Variants in SMARCAD1 observed in about 807,000 individuals in gnomAD.
The protein encoded by SMARCAD1 is SWI/SNF-related matrix-associated actin-dependent regulator of chromatin subfamily A containing DEAD/H box 1.
SMARCAD1 carries 25 observed loss-of-function variants against 127.1 expected under a neutral mutation model. That is an observed-to-expected ratio of 0.20 (90% CI 0.14 to 0.27). The LOEUF is 0.27. Among genes scored for constraint, SMARCAD1 ranks in the 10% least tolerant of loss-of-function variants. The probability of loss-of-function intolerance (pLI) is 1.00; values close to 1 mark genes in which losing one functional copy is unlikely to be tolerated. For synonymous variants in SMARCAD1, 400 were observed against 396.9 expected, an observed-to-expected ratio of 1.01 and a Z score of -0.09; for missense variants, 807 against 1,206.0, an observed-to-expected ratio of 0.67 and a Z score of 4.90.
chr4:94,258,292 T>G (rs1295377976), intron 9 of SMARCAD1, among the ~76,000 whole-genome samples: 1 of 151,952 alleles, frequency 6.6e-6, no homozygotes, highest in Non-Finnish European at 1.5e-5. Context: ...GTAGTTGGGA[T>G]TACAGGCGTC....
rs116037427 is a variant in SMARCAD1 at position 94,269,029 on chromosome 4, T to C, written c.1482-1699T>C. Among the ~76,000 whole-genome samples, 1,172 of 152,232 alleles carry C rather than the reference T, an allele frequency of 7.7e-3. 11 individuals are homozygous for C. The highest frequency in any genetic ancestry group is 0.027 in the African/African-American group (1,103 of 41,530). On this transcript the variant is annotated intron_variant, in intron 10 of 23. Transcript: ENST00000354268. ...CAGCAAAAGAATTGTAAAGACAGAA[T>C]TAGAAAATTATAAAGACAGAATTAG...
intron 8 of SMARCAD1, among the ~76,000 whole-genome samples, chr4:94,252,177 G>A (rs940472638): frequency 2.0e-5 from 3 of 152,190 alleles, no homozygotes; most frequent in Non-Finnish European, 4.4e-5. Flanking sequence ...AAGTAACGAT[G>A]CAACTTAGAA....
chr4:94,270,605 G>A, intron 10 of SMARCAD1, 123 bp from the exon 11 acceptor site: 7 of 755,554 alleles, frequency 9.3e-6, no homozygotes, highest in South Asian at 1.5e-5. Flanking sequence ...GGTGTACATA[G>A]CATCTAACAG....
chr4:94,249,649 A>G lies in SMARCAD1; in HGVS notation c.706-5A>G, dbSNP rs1748978199. 2.0e-6 allele frequency: 3 copies of G among 1,484,350 alleles called. No homozygotes were observed. Among genetic ancestry groups the G allele is most frequent in the South Asian group, 1.1e-5 (1 of 87,766 alleles). The allele number at this position is 1,484,350 out of a possible 1,614,324, so 91.9% of individuals were successfully genotyped here. On this transcript the variant is annotated splice_region_variant and splice_polypyrimidine_tract_variant and intron_variant, in intron 6 of 23. Transcript: ENST00000354268. The stretch of plus-strand genomic sequence containing the variant: ...ATTGTTTTCTTTTTTTTTTCTCCCC[A>G]TTAGGGAGAGGAATCAAATGAGTCT...
intron 5 of SMARCAD1, among the ~76,000 whole-genome samples, chr4:94,239,535 C>T (rs1392278779): frequency 6.7e-6 from 1 of 150,188 alleles, no homozygotes; most frequent in African/African-American, 2.4e-5. Flanking sequence ...TTGATGTTGT[C>T]CGGAGTCTCT....
rs1185413912 is a variant in SMARCAD1, at chr4:94,291,254, A to G, written c.*1720A>G. ...AGTTGGGTTCTTCCTGTAATGCGCTATTATGTCTTGGGCTTAATAAAAATA... is the reference window on the plus strand; with the variant it reads ...AGTTGGGTTCTTCCTGTAATGCGCTGTTATGTCTTGGGCTTAATAAAAATA... On this transcript the variant is annotated 3_prime_UTR_variant, in exon 24 of 24. Coordinates refer to ENST00000354268, the MANE Select transcript of SMARCAD1 (RefSeq NM_020159.5). The G allele has an allele frequency of 6.6e-6, 3 of 453,542 alleles. No homozygotes were observed. The highest frequency in any genetic ancestry group is 3.1e-5 in the South Asian group (2 of 64,296). 28.1% of individuals were successfully genotyped at this position (453,542 alleles called of 1,614,324 possible).
chr4:94,240,483 A>G (rs1475578574), intron 5 of SMARCAD1, among the ~76,000 whole-genome samples: 1 of 152,170 alleles, frequency 6.6e-6, no homozygotes, highest in Non-Finnish European at 1.5e-5. Flanking sequence ...TTTATAAAAG[A>G]CCTTGTGCAA....
chr4:94,280,714 G>A lies in SMARCAD1; in HGVS notation c.2541G>A (p.Met847Ile), dbSNP rs989618306. 3 of 1,613,638 alleles carry A rather than the reference G, an allele frequency of 1.9e-6. No homozygotes were observed. Among genetic ancestry groups the A allele is most frequent in the Non-Finnish European group, 2.5e-6 (3 of 1,179,812 alleles). The stretch of plus-strand genomic sequence containing the variant: ...ACATTAATAACTTTCAGTTAGACAT[G>A]GACTTGATTTTAGATTCTGGAAAAT... ...YRHINNFQLD[M>I]DLILDSGKFR... The change falls in exon 20 of 24, where the codon ATG becomes ATA. Residue 847 changes from methionine to isoleucine, a missense_variant. By Grantham distance (10) the Met-to-Ile change is conservative. Transcript: ENST00000354268.
At chr4:94,253,784 C>A in intron 9 of SMARCAD1, 1 of 734,212 alleles carries the variant, frequency 1.4e-6, no homozygotes, top group Non-Finnish European at 1.7e-6. Context: ...AAATCTTATT[C>A]ATACAGATAA....
intron 6 of SMARCAD1, among the ~76,000 whole-genome samples, chr4:94,242,923 C>G (rs1318678923): frequency 6.6e-6 from 1 of 152,052 alleles, no homozygotes; most frequent in Non-Finnish European, 1.5e-5. Flanking sequence ...TCACAACATA[C>G]AAATGAAGTT....
chr4:94,230,878 T>TA (rs1438820432), intron 3 of SMARCAD1, among the ~76,000 whole-genome samples: 2 of 151,858 alleles, frequency 1.3e-5, no homozygotes, highest in African/African-American at 2.4e-5. Context: ...GGCTGAAAGG[T>TA]AAAAGGAAAA....
intron 2 of SMARCAD1, 130 bp from the exon 3 acceptor site, chr4:94,225,989 G>A (rs1438919202): frequency 2.5e-6 from 2 of 796,400 alleles, no homozygotes; most frequent in Non-Finnish European, 4.0e-6. Flanking sequence ...TCTTTAAAAA[G>A]TGGTGAGAAT....
chr4:94,226,089 A>G (rs778243245), intron 2 of SMARCAD1, 30 bp from the exon 3 acceptor site: 46 of 1,574,554 alleles, frequency 2.9e-5, no homozygotes, highest in Middle Eastern at 1.9e-4. Flanking sequence ...AGTTGCTCAA[A>G]ATATTTTTCT....
chr4:94,274,842 A>C (rs1350331326), intron 13 of SMARCAD1, 45 bp downstream of exon 13: 3 of 1,607,588 alleles, frequency 1.9e-6, no homozygotes, highest in Non-Finnish European at 1.7e-6. Flanking sequence ...ATTAAAAATA[A>C]AGTACAGCAC....
intron 6 of SMARCAD1, among the ~76,000 whole-genome samples, chr4:94,242,540 T>C (rs895043361): frequency 6.6e-6 from 1 of 152,150 alleles, no homozygotes; most frequent in African/African-American, 2.4e-5. Context: ...GGCTACTCTC[T>C]GAGTTGGGTT....
chr4:94,250,692 C>G, intron 7 of SMARCAD1, 60 bp from the exon 8 acceptor site: 1 of 1,129,838 alleles, frequency 8.9e-7, no homozygotes, highest in African/African-American at 1.6e-5. Flanking sequence ...AGAGCATAGA[C>G]GTTTTCTGCA....
intron 5 of SMARCAD1, 52 bp from the exon 6 acceptor site, chr4:94,240,854 G>A (rs1747472440): frequency 7.3e-6 from 10 of 1,370,172 alleles, no homozygotes; most frequent in Non-Finnish European, 8.3e-6. Context: ...ACATTAAATT[G>A]ATTTTTTGCT....
intron 2 of SMARCAD1, among the ~76,000 whole-genome samples, chr4:94,217,461 T>C (rs548022668): frequency 6.6e-6 from 1 of 152,306 alleles, no homozygotes; most frequent in East Asian, 1.9e-4. Flanking sequence ...TGTTGTTTTC[T>C]CTTTGACCTG....
Position 94,208,550 on chromosome 4 carries a change from A to T in SMARCAD1, c.156A>T (p.Ala52=), listed in dbSNP as rs879073556. The T allele has an allele frequency of 1.9e-6, 3 of 1,614,174 alleles. No homozygotes were observed. The Admixed American group carries it at 5.0e-5, about 27-fold the overall frequency. ...ATGCTGAAGGGGAAGTTAGCAGGGC[A>T]AACACTCCTGATTCAGATATAACTG... ...EENAEGEVSR[A]NTPDSDITEK... is the part of the protein sequence containing the mutation. Residue 52 remains alanine, a synonymous_variant, in exon 2 of 24, where the codon GCA becomes GCT. Transcript: ENST00000354268.
Sources: allele counts gnomAD v4.1 joint callset (sites outside exome capture counted in the v4.1 genomes callset), GRCh38; gene constraint gnomAD v4.1.1; transcripts MANE v1.5; gene names NCBI Gene and HGNC (gene_info 2026-07-23, HGNC 2026-07-21).